NECTIN2: variants seen among roughly 807,000 people sequenced by gnomAD.
NECTIN2 encodes nectin-2.
Under a neutral mutation model 56.9 loss-of-function variants are expected in NECTIN2, and 23 were observed. That is an observed-to-expected ratio of 0.40 (90% CI 0.29 to 0.57). NECTIN2 has a LOEUF of 0.57. NECTIN2 is among the 20% of genes least tolerant of loss of function. The probability of loss-of-function intolerance (pLI) is 0.38; values close to 1 mark genes in which losing one functional copy is unlikely to be tolerated. For synonymous variants in NECTIN2, 302 were observed against 313.8 expected (o/e 0.96, Z 0.40); for missense variants, 587 against 718.3 (o/e 0.82, Z 2.09).
chr19:44,851,981 C>T (rs1232227738), intron 1 of NECTIN2, among the ~76,000 whole-genome samples: 1 of 152,210 alleles, frequency 6.6e-6, no homozygotes, highest in Non-Finnish European at 1.5e-5. Flanking sequence ...TCACCCCCAC[C>T]GCTGGTCCTG....
At chr19:44,872,810 A>T (rs1005781224) in intron 3 of NECTIN2, among the ~76,000 whole-genome samples, 3 of 143,720 alleles carry the variant, frequency 2.1e-5, no homozygotes, top group South Asian at 2.2e-4. Context: ...ATTATTTATT[A>T]TTATATTTTT....
chr19:44,846,312 TCG>T lies in NECTIN2; in HGVS notation c.-213_-212del. ...GGTGGATCCTGTGACGTCAGCGGGT[TCG>T]AACCGCCGGAGCTGAGCGAGAGGCC... On this transcript the variant is annotated 5_prime_UTR_variant, in exon 1 of 9. Transcript: ENST00000252483. 1 of 499,660 alleles carries T rather than the reference TCG, an allele frequency of 2.0e-6. No individual in the cohort carries two copies. Among genetic ancestry groups the T allele is most frequent in the South Asian group, 3.7e-5 (1 of 26,856 alleles). The allele number at this position is 499,660 out of a possible 1,614,324, so 31.0% of individuals were successfully genotyped here. A position where few individuals can be genotyped will look rare whatever the true frequency, so the allele number is the denominator to read the frequency against.
Position 44,865,807 on chromosome 19 carries a change from C to A in NECTIN2, c.478+147C>A. On this transcript the variant is annotated intron_variant, in intron 2 of 8. Coordinates refer to ENST00000252483, the MANE Select transcript of NECTIN2 (RefSeq NM_001042724.2). This position sits in a 1 kb window ranked among gnomAD's most constrained non-coding sequence, Gnocchi z 5.2. ...CCATCAGCAAATGTTCATTAAGCAC[C>A]TACCGCGTGCCAGATGCTTTTCTGT... 1 of 968,062 alleles carries A rather than the reference C, an allele frequency of 1.0e-6. No individual in the cohort carries two copies. The highest frequency in any genetic ancestry group is 1.5e-6 in the Non-Finnish European group (1 of 679,752). 60.0% of individuals were successfully genotyped at this position (968,062 alleles called of 1,614,324 possible). A position where few individuals can be genotyped will look rare whatever the true frequency, so the allele number is the denominator to read the frequency against.
chr19:44,878,131 C>T lies in NECTIN2; in HGVS notation c.1042+3653C>T, dbSNP rs762627112. On this transcript the variant is annotated intron_variant, in intron 5 of 8. Coordinates refer to ENST00000252483, the MANE Select transcript of NECTIN2 (RefSeq NM_001042724.2). ...GCTCCCTCCATCCCCGCCTATCCTG[C>T]ATCTCCCCCACCCCCTCACTCCCCA... The T allele has an allele frequency of 2.5e-4, 152 of 607,790 alleles. 1 individual carries two copies. Among genetic ancestry groups the T allele is most frequent in the Non-Finnish European group, 3.9e-4 (131 of 337,102 alleles). The allele number at this position is 607,790 out of a possible 1,614,324, so 37.6% of individuals were successfully genotyped here.
intron 1 of NECTIN2, among the ~76,000 whole-genome samples, chr19:44,859,296 C>CT (rs1251502778): frequency 6.6e-6 from 1 of 152,158 alleles, no homozygotes; most frequent in African/African-American, 2.4e-5. Flanking sequence ...TCCTGGGGCC[C>CT]TATGCTGAGT....
intron 5 of NECTIN2, among the ~76,000 whole-genome samples, chr19:44,876,394 G>C (rs947800284): frequency 6.6e-6 from 1 of 152,126 alleles, no homozygotes; most frequent in African/African-American, 2.4e-5. Context: ...AATAGAGAAA[G>C]ACTCAGCGCT....
intron 2 of NECTIN2, among the ~76,000 whole-genome samples, chr19:44,868,466 C>CTTTTTTT (rs71338735): frequency 4.7e-4 from 63 of 133,504 alleles, no homozygotes; most frequent in Non-Finnish European, 6.2e-4. Context: ...TTTCCTTTTT[C>CTTTTTTT]TTTTTTTTTT....
At chr19:44,850,651 A>G (rs2122625699) in intron 1 of NECTIN2, among the ~76,000 whole-genome samples, 1 of 152,220 alleles carries the variant, frequency 6.6e-6, no homozygotes, top group South Asian at 2.1e-4. Context: ...TCTCAAAAAA[A>G]CAAAACAAAA....
At chr19:44,885,377 T>C (rs1969350034) in intron 6 of NECTIN2, among the ~76,000 whole-genome samples, 1 of 149,726 alleles carries the variant, frequency 6.7e-6, no homozygotes, top group African/African-American at 2.5e-5. Context: ...AGTGGAGTGA[T>C]CTCATCTCAC....
intron 1 of NECTIN2, among the ~76,000 whole-genome samples, chr19:44,847,277 G>A (rs1968846707): frequency 6.6e-6 from 1 of 152,164 alleles, no homozygotes; most frequent in African/African-American, 2.4e-5. Context: ...GGGGCCGGGG[G>A]CTCCGTCTTC....
At chr19:44,877,301 A>G (rs1969250727) in intron 5 of NECTIN2, among the ~76,000 whole-genome samples, 2 of 151,650 alleles carry the variant, frequency 1.3e-5, no homozygotes, top group South Asian at 4.2e-4. Context: ...GGGATGGGGG[A>G]AGTGGATGTG....
At chr19:44,864,874 C>T (rs931856292) in intron 1 of NECTIN2, among the ~76,000 whole-genome samples, 2 of 152,012 alleles carry the variant, frequency 1.3e-5, no homozygotes, top group East Asian at 3.9e-4. Context: ...CCTTCTCCAC[C>T]TAGACCCACT....
At chr19:44,858,720 G>A (rs1170892013) in intron 1 of NECTIN2, among the ~76,000 whole-genome samples, 1 of 151,698 alleles carries the variant, frequency 6.6e-6, no homozygotes, top group African/African-American at 2.4e-5. Context: ...TCAGCTTACT[G>A]CAACCTCCAC....
chr19:44,864,017 C>CA (rs1393855423), intron 1 of NECTIN2, among the ~76,000 whole-genome samples: 4 of 151,440 alleles, frequency 2.6e-5, no homozygotes, highest in Non-Finnish European at 4.4e-5. Flanking sequence ...AGGATTCCCC[C>CA]CCCCCAAAAA....
chr19:44,856,193 C>T (rs1207911981), intron 1 of NECTIN2, among the ~76,000 whole-genome samples: 2 of 152,120 alleles, frequency 1.3e-5, no homozygotes, highest in Admixed American at 6.6e-5. Context: ...CCCAGCTACT[C>T]GGGAGGTTGA....
intron 3 of NECTIN2, 102 bp downstream of exon 3, chr19:44,872,251 C>A: frequency 7.6e-7 from 1 of 1,321,024 alleles, no homozygotes; most frequent in East Asian, 2.4e-5. Flanking sequence ...CGTGGGTTCC[C>A]TGAAGCCAAA....
chr19:44,883,780 A>T (rs1413710615), intron 6 of NECTIN2, among the ~76,000 whole-genome samples: 1 of 152,132 alleles, frequency 6.6e-6, no homozygotes. Flanking sequence ...AGCTATGATC[A>T]TGCCACTGCA....
rs1190335159 is a variant in NECTIN2 at position 44,888,244 on chromosome 19, A to G, written c.1482A>G (p.Leu494=). 6.2e-7 allele frequency: 1 copy of G among 1,614,086 alleles called. No individual in the cohort carries two copies. Among genetic ancestry groups the G allele is most frequent in the Non-Finnish European group, 8.5e-7 (1 of 1,179,992 alleles). The change falls in exon 9 of 9, where the codon CTA becomes CTG. Residue 494 remains leucine, a synonymous_variant. Transcript: ENST00000252483. ...PPAVEDVSLD[L]EDEEGEEEEE... is the part of the protein sequence containing the mutation. ...CTGTGGAAGACGTTTCCCTGGATCTAGAGGATGAGGAGGGGGAGGAGGAGG... is the reference window on the plus strand; with the variant it reads ...CTGTGGAAGACGTTTCCCTGGATCTGGAGGATGAGGAGGGGGAGGAGGAGG...
Position 44,865,400 on chromosome 19 carries a change from C to G in NECTIN2, c.218C>G (p.Pro73Arg), listed in dbSNP as rs764138184. The change falls in exon 2 of 9, where the codon CCA becomes CGA. Residue 73 changes from proline (P) to arginine (R), a missense_variant. Transcript: ENST00000252483. The surrounding 1 kb of genome is among the most constrained non-coding windows in gnomAD (Gnocchi z 5.2). ...ATCTCCCTGGTGACCTGGCAGCGCC[C>G]AGATGCACCTGCGAACCACCAGAAT... Reference protein sequence around the residue: ...LYISLVTWQRPDAPANHQNVA... With the variant: ...LYISLVTWQRRDAPANHQNVA... 4 of 1,614,056 alleles carry G rather than the reference C, an allele frequency of 2.5e-6. No individual in the cohort carries two copies. The highest frequency in any genetic ancestry group is 3.4e-6 in the Non-Finnish European group (4 of 1,180,040).
Sources: gnomAD v4.1 joint callset for allele counts (sites outside exome capture counted in the v4.1 genomes callset) on GRCh38, gnomAD v4.1.1 for gene constraint, Gnocchi (gnomAD v3.1) non-coding constraint, MANE v1.5 for transcripts, NCBI Gene and HGNC (gene_info 2026-07-23, HGNC 2026-07-21) for gene names.